Variants in PKD1 observed in about 807,000 individuals in gnomAD.
The protein encoded by PKD1 is polycystin 1, transient receptor potential channel interacting.
Under a neutral mutation model 361.7 loss-of-function variants are expected in PKD1, and 81 were observed. The observed-to-expected ratio is 0.22, with a 90% CI of 0.19 to 0.27. The LOEUF (loss-of-function observed/expected upper bound fraction) is 0.27, where lower values mean the gene tolerates loss of function less well. Among genes scored for constraint, PKD1 ranks in the 10% least tolerant of loss-of-function variants. PKD1 has a pLI of 1.00. For missense variants in PKD1, 6,399 were observed against 6,118.3 expected, an observed-to-expected ratio of 1.05 and a Z score of -1.53; for synonymous variants, 3,615 against 2,818.3, an observed-to-expected ratio of 1.28 and a Z score of -8.95.
At chr16:2,130,194 C>T (rs1567229119) in intron 1 of PKD1, among the ~76,000 whole-genome samples, 1 of 152,242 alleles carries the variant, frequency 6.6e-6, no homozygotes, top group Non-Finnish European at 1.5e-5. Context: ...ACGTAAGACC[C>T]GGCTCAGGGA....
Position 2,114,834 on chromosome 16 carries a change from G to A in PKD1, c.2189C>T (p.Ser730Leu), listed in dbSNP as rs761751933. The A allele has an allele frequency of 3.8e-5, 52 of 1,375,316 alleles. No individual in the cohort carries two copies. The highest frequency in any genetic ancestry group is 7.4e-5 in the South Asian group (6 of 80,624). The allele number at this position is 1,375,316 out of a possible 1,614,324, so 85.2% of individuals were successfully genotyped here. A position where few individuals can be genotyped will look rare whatever the true frequency, so the allele number is the denominator to read the frequency against. Residue 730 changes from serine (S) to leucine (L), a missense_variant, in exon 11 of 46, where the codon TCG becomes TTG. Coordinates refer to ENST00000262304, the MANE Select transcript of PKD1 (RefSeq NM_001009944.3). ...DAGPGALLHC[S>L]PAPGHPGPRA... Reference sequence around the variant, plus strand: ...GGGACCAGGGTGGCCGGGAGCCGGCGAGCAGTGCAGGAGGGCGCCAGGGCC... The same window carrying A: ...GGGACCAGGGTGGCCGGGAGCCGGCAAGCAGTGCAGGAGGGCGCCAGGGCC...
rs565421712 is a variant in PKD1 at position 2,091,602 on chromosome 16, G to C, written c.11538-5C>G. On this transcript the variant is annotated splice_polypyrimidine_tract_variant and splice_region_variant and intron_variant, in intron 41 of 45. Transcript: ENST00000262304. ...TCCAGGAACACAGCGCGGCTCCTGC[G>C]CAGAGGGTGCGGGTCAGTAGGAGCG... The C allele has an allele frequency of 1.9e-6, 3 of 1,559,306 alleles. No homozygotes were observed. The highest frequency in any genetic ancestry group is 1.4e-5 in the African/African-American group (1 of 73,940).
At chr16:2,130,120 G>A (rs2092852395) in intron 1 of PKD1, among the ~76,000 whole-genome samples, 2 of 152,190 alleles carry the variant, frequency 1.3e-5, no homozygotes, top group East Asian at 1.9e-4. Context: ...GTTTGCATCC[G>A]CGTCTAATAA....
chr16:2,116,384 A>T (rs1344226950), intron 8 of PKD1, 145 bp downstream of exon 8: 1 of 632,550 alleles, frequency 1.6e-6, no homozygotes, highest in Non-Finnish European at 2.8e-6. Flanking sequence ...TCCTCTCTGC[A>T]CTCTGGATTT....
intron 1 of PKD1, among the ~76,000 whole-genome samples, chr16:2,130,996 T>G (rs1398582611): frequency 1.3e-5 from 2 of 152,090 alleles, no homozygotes; most frequent in African/African-American, 4.8e-5. Flanking sequence ...GCTGATGACA[T>G]CTACACCTAG....
chr16:2,100,132 T>C lies in PKD1; in HGVS notation c.9712+34A>G, dbSNP rs1432751388. On this transcript the variant is annotated intron_variant, in intron 28 of 45. Transcript: ENST00000262304. The surrounding 1 kb of genome is among the most constrained non-coding windows in gnomAD (Gnocchi z 4.4). The stretch of plus-strand genomic sequence containing the variant: ...CGGGGCAGGACCACCCTGCCCAACC[T>C]CCCACGGAGTGGGAACATGGAACGA... 6.2e-7 allele frequency: 1 copy of C among 1,603,268 alleles called. No individual in the cohort carries two copies. Among genetic ancestry groups the C allele is most frequent in the Non-Finnish European group, 8.5e-7 (1 of 1,173,910 alleles).
chr16:2,103,817 A>G lies in PKD1; in HGVS notation c.8240T>C (p.Met2747Thr). Residue 2747 changes from methionine (M) to threonine (T), a missense_variant, in exon 23 of 46, where the codon ATG becomes ACG. By Grantham distance (81) the Met-to-Thr change is moderately conservative. Transcript: ENST00000262304. Reference protein sequence around the residue: ...SELGAESPSRMVASQAYNLTS... With the variant: ...SELGAESPSRTVASQAYNLTS... ...CAGGTTGTAGGCCTGGGACGCCACC[A>G]TCCGAGATGGTGACTCGGCTCCCAG... 6 of 1,608,706 alleles carry G rather than the reference A, an allele frequency of 3.7e-6. No homozygotes were observed. Among genetic ancestry groups the G allele is most frequent in the Non-Finnish European group, 5.1e-6 (6 of 1,179,244 alleles).
chr16:2,118,414 G>C lies in PKD1; in HGVS notation c.578C>G (p.Ala193Gly). The stretch of plus-strand genomic sequence containing the variant: ...GTGGGCAGCTGAAAAGGACACTGCT[G>C]CCACGGTGCCTGAGCTGTTGTCAGG... ...CLPDNSSGTV[A>G]AVSFSAAHEG... The change falls in exon 5 of 46, where the codon GCA becomes GGA. Residue 193 changes from alanine to glycine, a missense_variant. Coordinates refer to ENST00000262304, the MANE Select transcript of PKD1 (RefSeq NM_001009944.3). The surrounding 1 kb of genome is among the most constrained non-coding windows in gnomAD (Gnocchi z 6.0). 8.1e-7 allele frequency: 1 copy of C among 1,228,096 alleles called. No homozygotes were observed. The highest frequency in any genetic ancestry group is 2.5e-5 in the East Asian group (1 of 39,542). The allele number at this position is 1,228,096 out of a possible 1,614,324, so 76.1% of individuals were successfully genotyped here.
chr16:2,090,488 G>A lies in PKD1; in HGVS notation c.12241C>T (p.His4081Tyr), dbSNP rs186487281. 1.1e-5 allele frequency: 18 copies of A among 1,611,934 alleles called. No homozygotes were observed. The highest frequency in any genetic ancestry group is 8.0e-5 in the African/African-American group (6 of 75,024). ...LSTLCPAESW[H>Y]LSPLLCVGLW... is the part of the protein sequence containing the mutation. ...CCCACACACAGCAGGGGTGACAGGTGCCAGGACTCGGCAGGACACAGGGTA... is the reference window on the plus strand; with the variant it reads ...CCCACACACAGCAGGGGTGACAGGTACCAGGACTCGGCAGGACACAGGGTA... The change falls in exon 45 of 46, where the codon CAC becomes TAC. Residue 4081 changes from histidine to tyrosine, a missense_variant. Transcript: ENST00000262304.
rs375443308 is a variant in PKD1 at position 2,089,804 on chromosome 16, G to A, written c.12835C>T (p.Arg4279Trp). Reference sequence around the variant, plus strand: ...GGGCCAGTGGCCAGGTCCACACCCCGACTGGCCCGGGCAAGGCGGCTGGGC... The same window carrying A: ...GGGCCAGTGGCCAGGTCCACACCCCAACTGGCCCGGGCAAGGCGGCTGGGC... The part of the protein sequence containing the change: ...ALPSRLARAS[R>W]GVDLATGPSR... The change falls in exon 46 of 46, where the codon CGG becomes TGG. Residue 4279 changes from arginine (R) to tryptophan (W), a missense_variant. Arg to Trp is a moderately radical substitution (Grantham distance 101, BLOSUM62 -3). Transcript: ENST00000262304. 8.8e-6 allele frequency: 14 copies of A among 1,598,944 alleles called. No individual in the cohort carries two copies. Among genetic ancestry groups the A allele is most frequent in the Middle Eastern group, 1.7e-4 (1 of 5,876 alleles).
At position 2,131,587 on chromosome 16, in the gene PKD1, G is replaced by C. The variant is rs981500189; in HGVS notation, c.215+3888C>G. On this transcript the variant is annotated intron_variant, in intron 1 of 45. Coordinates refer to ENST00000262304, the MANE Select transcript of PKD1 (RefSeq NM_001009944.3). Reference sequence around the variant, plus strand: ...TAATCCCAGCACTTTGGGAGGCCGAGGCAAGCAGATCACCTAAGGCCAAGA... The same window carrying C: ...TAATCCCAGCACTTTGGGAGGCCGACGCAAGCAGATCACCTAAGGCCAAGA... 7.4e-4 allele frequency among the ~76,000 whole-genome samples: 113 copies of C among 152,012 alleles called. 1 individual carries two copies. Among genetic ancestry groups the C allele is most frequent in the African/African-American group, 2.6e-3 (106 of 41,346 alleles).
intron 1 of PKD1, chr16:2,123,403 C>A: frequency 2.2e-6 from 1 of 454,616 alleles, no homozygotes; most frequent in Middle Eastern, 3.3e-4. Flanking sequence ...CTGCCCTGGG[C>A]AGGACTCAGG....
intron 1 of PKD1, among the ~76,000 whole-genome samples, chr16:2,124,026 C>A (rs556537197): frequency 4.5e-4 from 68 of 152,316 alleles, no homozygotes; most frequent in African/African-American, 1.4e-3. Flanking sequence ...CCAGCGGGCT[C>A]CTTAGCGGCT....
intron 40 of PKD1, 28 bp from the exon 41 acceptor site, chr16:2,091,934 G>C (rs1326854231): frequency 6.2e-7 from 1 of 1,611,284 alleles, no homozygotes; most frequent in African/African-American, 1.3e-5. Flanking sequence ...CGTGGGTGCC[G>C]CACCCCAGCC....
intron 34 of PKD1, 46 bp downstream of exon 34, chr16:2,097,102 G>A: frequency 7.1e-7 from 1 of 1,401,494 alleles, no homozygotes; most frequent in Non-Finnish European, 9.8e-7. Context: ...CTGAGTCCCG[G>A]CCCCTCCTCT....
chr16:2,108,467 C>T lies in PKD1; in HGVS notation c.6700G>A (p.Val2234Met), dbSNP rs762322536. ...PVGHYCFVFV[V>M]SFGDTPLTQS... ...GTCAGTGGCGTGTCCCCAAATGACA[C>T]GACAAACACAAAGCAGTAGTGCCCC... is the stretch of plus-strand genomic sequence containing the variant. Residue 2234 changes from valine to methionine, a missense_variant, in exon 15 of 46, where the codon GTG becomes ATG. Transcript: ENST00000262304. 2.5e-5 allele frequency: 40 copies of T among 1,610,324 alleles called. No individual in the cohort carries two copies. Among genetic ancestry groups the T allele is most frequent in the South Asian group, 5.5e-5 (5 of 90,998 alleles).
chr16:2,099,949 G>C lies in PKD1; in HGVS notation c.9835C>G (p.Gln3279Glu). Residue 3279 changes from glutamine (Q) to glutamate (E), a missense_variant, in exon 29 of 46, where the codon CAG (glutamine) becomes GAG (glutamate). Gln to Glu is a conservative substitution (Grantham distance 29, BLOSUM62 2). Transcript: ENST00000262304. ...RPPRSRFTRI[Q>E]RATCCVLLIC... Reference sequence around the variant, plus strand: ...AGGAGAACGCAGCAGGTGGCCCTCTGGATGCGAGTGAAACGGCTACGAGGC... The same window carrying C: ...AGGAGAACGCAGCAGGTGGCCCTCTCGATGCGAGTGAAACGGCTACGAGGC... 6.4e-7 allele frequency: 1 copy of C among 1,562,912 alleles called. No individual in the cohort carries two copies. Among genetic ancestry groups the C allele is most frequent in the Non-Finnish European group, 8.7e-7 (1 of 1,155,032 alleles).
intron 6 of PKD1, 115 bp from the exon 7 acceptor site, chr16:2,117,168 G>T (rs1235885623): frequency 1.6e-5 from 11 of 678,654 alleles, no homozygotes; most frequent in Non-Finnish European, 2.8e-5. Context: ...GGAAACTGAG[G>T]CTCAGAGCCC....
rs139959856 is a variant in PKD1, at chr16:2,097,332, G to T, written c.10392C>A (p.Ser3464=). ...SLASPYSPAK[S]FSASDEDLIQ... ...ACCCCAGCTCACCTGATGCTGAGAA[G>T]GATTTGGCAGGCGAGTAGGGGCTGG... Residue 3464 remains serine, a synonymous_variant, in exon 33 of 46, where the codon TCC becomes TCA. Coordinates refer to ENST00000262304, the MANE Select transcript of PKD1 (RefSeq NM_001009944.3). 9 of 1,612,732 alleles carry T rather than the reference G, an allele frequency of 5.6e-6. No homozygotes were observed. The African/African-American group carries it at 1.2e-4, about 22-fold the overall frequency.
Sources: allele counts gnomAD v4.1 joint callset (sites outside exome capture counted in the v4.1 genomes callset), GRCh38; gene constraint gnomAD v4.1.1; non-coding constraint Gnocchi (gnomAD v3.1); transcripts MANE v1.5; gene names NCBI Gene and HGNC (gene_info 2026-07-23, HGNC 2026-07-21).